KLRC3: variants seen among roughly 807,000 people sequenced by gnomAD.
KLRC3 encodes NKG2-E type II integral membrane protein.
Under a neutral mutation model 23.6 loss-of-function variants are expected in KLRC3, and 16 were observed. That is an observed-to-expected ratio of 0.68 (90% CI 0.46 to 1.03). The LOEUF is 1.03. KLRC3 is among the 50% of genes least tolerant of loss of function. KLRC3 has a pLI of 0.00. For synonymous variants in KLRC3, 70 were observed against 71.8 expected (o/e 0.98, Z 0.13); for missense variants, 209 against 232.2 (o/e 0.90, Z 0.65).
At chr12:10,417,656 A>C (rs79870015) in intron 4 of KLRC3, among the ~76,000 whole-genome samples, 1 of 151,908 alleles carries the variant, frequency 6.6e-6, no homozygotes, top group Admixed American at 6.6e-5. Flanking sequence ...CAGGAAAGGG[A>C]CCCACGACTA....
At chr12:10,413,524 T>C (rs1038373154) in intron 6 of KLRC3, among the ~76,000 whole-genome samples, 8 of 152,296 alleles carry the variant, frequency 5.3e-5, no homozygotes, top group African/African-American at 1.9e-4. Context: ...AAACCCTACA[T>C]GTATTGAAGA....
chr12:10,415,326 A>G (rs1863624841), intron 6 of KLRC3, among the ~76,000 whole-genome samples: 1 of 152,200 alleles, frequency 6.6e-6, no homozygotes, highest in Non-Finnish European at 1.5e-5. Context: ...GAAACATTCT[A>G]GCAATTAGTG....
chr12:10,417,754 T>C (rs980442091), intron 4 of KLRC3, among the ~76,000 whole-genome samples: 3 of 152,236 alleles, frequency 2.0e-5, no homozygotes, highest in African/African-American at 4.8e-5. Flanking sequence ...GAATTCTTAG[T>C]GTTCTTTGTA....
intron 6 of KLRC3, among the ~76,000 whole-genome samples, chr12:10,414,528 T>C (rs1863612834): frequency 6.8e-6 from 1 of 146,816 alleles, no homozygotes; most frequent in Non-Finnish European, 1.5e-5. Context: ...AAAAAATAAG[T>C]TGTGGCACAT....
intron 6 of KLRC3, among the ~76,000 whole-genome samples, chr12:10,414,573 A>ACACAGGCAGGGGAACAT (rs1445740672): frequency 7.5e-6 from 1 of 133,808 alleles, no homozygotes; most frequent in African/African-American, 2.8e-5. Flanking sequence ...TATTTGCAGG[A>ACACAGGCAGGGGAACAT]CACAGGCAGG....
Position 10,412,644 on chromosome 12 carries a change from C to T in KLRC3, c.679-28G>A, listed in dbSNP as rs559705087. 5.0e-5 allele frequency: 35 copies of T among 697,844 alleles called. No homozygotes were observed. The Middle Eastern group carries it at 1.4e-3, about 27-fold the overall frequency. 43.2% of individuals were successfully genotyped at this position (697,844 alleles called of 1,614,324 possible). The stretch of plus-strand genomic sequence containing the variant: ...ACAAAAAAATACGAAAATTAGCCAG[C>T]ATGATGGTATTGGCCTGTAGCCAGC... On this transcript the variant is annotated intron_variant, in intron 6 of 6. Transcript: ENST00000396439.
intron 5 of KLRC3, among the ~76,000 whole-genome samples, 187 bp downstream of exon 5, chr12:10,416,480 T>C (rs574229198): frequency 3.3e-5 from 5 of 152,226 alleles, no homozygotes; most frequent in African/African-American, 1.2e-4. Flanking sequence ...CCAAGAAAGT[T>C]ACTAGCTGAC....
chr12:10,413,798 G>A lies in KLRC3; in HGVS notation c.679-1182C>T, dbSNP rs1478590519. ...CCCCCAACCCCCCACCCCCCGACAG[G>A]CCCCGGTGTGTGATGTTCTCCTCCC... On this transcript the variant is annotated intron_variant, in intron 6 of 6. Transcript: ENST00000396439. Among the ~76,000 whole-genome samples, 6 of 122,776 alleles carry A rather than the reference G, an allele frequency of 4.9e-5. No individual in the cohort carries two copies. The East Asian group carries it at 1.6e-3, about 32-fold the overall frequency. 80.5% of individuals were successfully genotyped at this position (122,776 alleles called of 152,430 possible).
chr12:10,418,589 T>C, intron 3 of KLRC3, 91 bp from the exon 4 acceptor site: 1 of 1,354,292 alleles, frequency 7.4e-7, no homozygotes, highest in South Asian at 1.4e-5. Context: ...AACATATATG[T>C]GCTTAACATA....
rs186837131 is a variant in KLRC3 at position 10,420,387 on chromosome 12, A to G, written c.164T>C (p.Ile55Thr). 14 of 1,613,560 alleles carry G rather than the reference A, an allele frequency of 8.7e-6. No homozygotes were observed. The East Asian group carries it at 2.7e-4, about 31-fold the overall frequency. The stretch of plus-strand genomic sequence containing the variant: ...ACCTTGGCAGTCATATATTTTATCA[A>G]TCCCTTGATGATTCAGAGAAGCATT... ...LQNASLNHQG[I>T]DKIYDCQGLL... is the part of the protein sequence containing the mutation. Residue 55 changes from isoleucine to threonine, a missense_variant, in exon 1 of 7, where the codon ATT (isoleucine) becomes ACT (threonine). Around this residue, in one of 4 missense-constraint regions of KLRC3, gnomAD observed 109 missense variants for 113.2 expected, o/e 0.96. Coordinates refer to ENST00000396439, the MANE Select transcript of KLRC3 (RefSeq NM_002261.3).
At chr12:10,418,210 T>C in intron 4 of KLRC3, 134 bp downstream of exon 4, 1 of 884,422 alleles carries the variant, frequency 1.1e-6, no homozygotes, top group Middle Eastern at 2.4e-4. Flanking sequence ...CATTATTAAG[T>C]CAATCAACTG....
Position 10,419,357 on chromosome 12 carries a change from A to G in KLRC3, c.287-269T>C, listed in dbSNP as rs372389161. Among the ~76,000 whole-genome samples, 16 of 34,490 alleles carry G rather than the reference A, an allele frequency of 4.6e-4. No individual in the cohort carries two copies. In the East Asian group the frequency reaches 0.012, roughly 26 times the overall value. The allele number at this position is 34,490 out of a possible 152,430, so 22.6% of individuals were successfully genotyped here. A position where few individuals can be genotyped will look rare whatever the true frequency, so the allele number is the denominator to read the frequency against. ...TTTCTAAATACTTTTCTTCTATAGCATGCCTTTGAATTATGAAATCAGAAA... is the reference window on the plus strand; with the variant it reads ...TTTCTAAATACTTTTCTTCTATAGCGTGCCTTTGAATTATGAAATCAGAAA... On this transcript the variant is annotated intron_variant, in intron 2 of 6. Coordinates refer to ENST00000396439, the MANE Select transcript of KLRC3 (RefSeq NM_002261.3).
intron 2 of KLRC3, chr12:10,419,544 T>G: frequency 9.5e-7 from 1 of 1,054,798 alleles, no homozygotes; most frequent in South Asian, 1.3e-5. Context: ...AAAATAAAAA[T>G]GTACTTTTCT....
At position 10,415,705 on chromosome 12, in the gene KLRC3, A is replaced by G. The variant is rs1199097245; in HGVS notation, c.677T>C (p.Ile226Thr). 3 of 1,613,104 alleles carry G rather than the reference A, an allele frequency of 1.9e-6. No individual in the cohort carries two copies. The South Asian group carries it at 3.3e-5, about 18-fold the overall frequency. The change falls in exon 6 of 7, where the codon ATT (isoleucine) becomes ACT (threonine). Residue 226 changes from isoleucine (I) to threonine (T), a missense_variant and splice_region_variant. Coordinates refer to ENST00000396439, the MANE Select transcript of KLRC3 (RefSeq NM_002261.3). ...TTTAATTCTAAAGCTTATGCTCACA[A>G]TGATTCTTGAAGATCCACACTGGTC... The part of the protein sequence containing the change: ...ISDQCGSSRI[I>T]RRGFIMLTRL...
chr12:10,415,510 G>C, intron 6 of KLRC3, 194 bp downstream of exon 6: 1 of 896,572 alleles, frequency 1.1e-6, no homozygotes, highest in Non-Finnish European at 1.6e-6. Flanking sequence ...ACTTAAATGC[G>C]AGGGTATCTG....
At chr12:10,413,791 C>T (rs1863604543) in intron 6 of KLRC3, among the ~76,000 whole-genome samples, 1 of 148,774 alleles carries the variant, frequency 6.7e-6, no homozygotes. Flanking sequence ...CCCCCACCCC[C>T]CGACAGGCCC....
At position 10,412,855 on chromosome 12, in the gene KLRC3, T is replaced by G. The variant is rs566043503; in HGVS notation, c.679-239A>C. ...CTAATGATACAAGTTCAACATATAG[T>G]TGAATAAAGTGAACAAGTAAACAAT... On this transcript the variant is annotated intron_variant, in intron 6 of 6. Coordinates refer to ENST00000396439, the MANE Select transcript of KLRC3 (RefSeq NM_002261.3). 3.3e-5 allele frequency among the ~76,000 whole-genome samples: 5 copies of G among 152,316 alleles called. No individual in the cohort carries two copies. In the South Asian group the frequency reaches 8.3e-4, roughly 25 times the overall value.
intron 3 of KLRC3, 106 bp from the exon 4 acceptor site, chr12:10,418,604 T>G: frequency 7.9e-7 from 1 of 1,273,502 alleles, no homozygotes; most frequent in South Asian, 1.5e-5. Context: ...AACATATTTA[T>G]GCATCCTTAC....
intron 6 of KLRC3, 39 bp downstream of exon 6, chr12:10,415,665 T>TG: frequency 6.2e-7 from 1 of 1,612,868 alleles, no homozygotes; most frequent in Middle Eastern, 1.7e-4. Context: ...TCTGATGCAC[T>TG]GCAAGCTCAA....
Sources: allele counts gnomAD v4.1 joint callset (sites outside exome capture counted in the v4.1 genomes callset), GRCh38; gene constraint gnomAD v4.1.1; regional missense constraint gnomAD v4.1.1; transcripts MANE v1.5; gene names NCBI Gene and HGNC (gene_info 2026-07-23, HGNC 2026-07-21).